Variants in DISP1 observed in about 807,000 individuals in gnomAD.
DISP1 encodes protein dispatched homolog 1.
Under a neutral mutation model 37.3 loss-of-function variants are expected in DISP1, and 30 were observed. That is an observed-to-expected ratio of 0.80 (90% CI 0.60 to 1.09). The LOEUF (loss-of-function observed/expected upper bound fraction) is 1.09, where lower values mean the gene tolerates loss of function less well. Ranked by LOEUF, DISP1 falls within the 50% of genes least tolerant of loss-of-function variation. The probability of loss-of-function intolerance (pLI) is 0.00; values close to 1 mark genes in which losing one functional copy is unlikely to be tolerated. For missense variants in DISP1, 1,598 were observed against 1,879.5 expected (o/e 0.85, Z 2.77); for synonymous variants, 634 against 690.2 (o/e 0.92, Z 1.28).
At chr1:222,914,018 T>TTA (rs397863821) in intron 1 of DISP1, among the ~76,000 whole-genome samples, 1 of 150,512 alleles carries the variant, frequency 6.6e-6, no homozygotes, top group Non-Finnish European at 1.5e-5. Flanking sequence ...TTTTTTTTTT[T>TTA]AACCCAAGCT....
intron 1 of DISP1, among the ~76,000 whole-genome samples, chr1:222,833,855 T>A (rs1412939304): frequency 2.0e-5 from 3 of 152,252 alleles, no homozygotes; most frequent in Non-Finnish European, 4.4e-5. Context: ...TAATCTGTTT[T>A]CTTATTAGTA....
chr1:222,924,756 A>T (rs1031990341), intron 1 of DISP1, among the ~76,000 whole-genome samples: 5 of 152,208 alleles, frequency 3.3e-5, no homozygotes, highest in African/African-American at 1.2e-4. Flanking sequence ...ATGCTAAGAA[A>T]AAAGATAAAT....
chr1:222,925,381 C>T (rs1191822945), intron 1 of DISP1, among the ~76,000 whole-genome samples: 1 of 152,064 alleles, frequency 6.6e-6, no homozygotes, highest in African/African-American at 2.4e-5. Context: ...GGATTAGCTG[C>T]TTTAATAAAG....
At position 223,002,012 on chromosome 1, in the gene DISP1, A is replaced by C. The variant is rs75406435; in HGVS notation, c.988-373A>C. ...CTTAATCCTATGCATGTATATACAT[A>C]AGCTTCACAACCTGTCCATTTTATT... On this transcript the variant is annotated intron_variant, in intron 8 of 8. Coordinates refer to ENST00000675850, the MANE Select transcript of DISP1 (RefSeq NM_001377229.1). Among the ~76,000 whole-genome samples, 13 of 152,340 alleles carry C rather than the reference A, an allele frequency of 8.5e-5. No homozygotes were observed. The East Asian group carries it at 2.1e-3, about 25-fold the overall frequency.
intron 1 of DISP1, among the ~76,000 whole-genome samples, chr1:222,852,840 C>T (rs946432573): frequency 1.3e-5 from 2 of 152,054 alleles, no homozygotes; most frequent in Non-Finnish European, 2.9e-5. Context: ...GCATGTAGAA[C>T]ATAGATAATA....
At chr1:222,902,803 A>G (rs1671672508) in intron 1 of DISP1, among the ~76,000 whole-genome samples, 1 of 151,780 alleles carries the variant, frequency 6.6e-6, no homozygotes, top group South Asian at 2.1e-4. Context: ...AGGAAACAAC[A>G]GGTGCTGGAG....
chr1:222,857,123 C>T (rs115184148), intron 1 of DISP1, among the ~76,000 whole-genome samples: 2,682 of 152,214 alleles, frequency 0.018, 78 homozygotes, highest in African/African-American at 0.062. Context: ...TTAATTGACA[C>T]TTAAAAACTG....
In DISP1 at chr1:222,943,050, A is replaced by C. The variant is rs1282532859; in HGVS notation, c.227A>C (p.Gln76Pro). 1 of 1,614,208 alleles carries C rather than the reference A, an allele frequency of 6.2e-7. No homozygotes were observed. Residue 76 changes from glutamine (Q) to proline (P), a missense_variant, in exon 3 of 9, where the codon CAG becomes CCG. By Grantham distance (76) the Gln-to-Pro change is moderately conservative (BLOSUM62 -1). Transcript: ENST00000675850. ...CCTTTAGACAACCAAAGAATGCCTC[A>C]GATGTTACCCCAATGCTGCCATCCT... ...FLPLDNQRMP[Q>P]MLPQCCHPCP...
chr1:222,873,008 T>C (rs1314474859), intron 1 of DISP1, among the ~76,000 whole-genome samples: 2 of 152,226 alleles, frequency 1.3e-5, no homozygotes, highest in Admixed American at 1.3e-4. Context: ...AACATCTTTA[T>C]TTCTGCCTTC....
intron 1 of DISP1, among the ~76,000 whole-genome samples, chr1:222,852,788 C>T (rs1668340611): frequency 6.6e-6 from 1 of 152,080 alleles, no homozygotes; most frequent in African/African-American, 2.4e-5. Flanking sequence ...CCTTGTGTAT[C>T]CCCCTTCCTT....
At chr1:222,876,815 AG>A (rs1344194747) in intron 1 of DISP1, among the ~76,000 whole-genome samples, 1 of 152,354 alleles carries the variant, frequency 6.6e-6, no homozygotes, top group East Asian at 1.9e-4. Context: ...GAAAGGGAGT[AG>A]GATTCCAGAA....
At chr1:222,819,169 G>A (rs1344645690) in intron 1 of DISP1, among the ~76,000 whole-genome samples, 1 of 152,160 alleles carries the variant, frequency 6.6e-6, no homozygotes, top group African/African-American at 2.4e-5. Context: ...CGTTTCTCCT[G>A]CTCCAGCCAT....
chr1:222,882,277 A>G (rs1017363524), intron 1 of DISP1, among the ~76,000 whole-genome samples: 3 of 152,192 alleles, frequency 2.0e-5, no homozygotes, highest in African/African-American at 7.2e-5. Context: ...TTATTTTTCA[A>G]TGATTTTATC....
intron 1 of DISP1, among the ~76,000 whole-genome samples, chr1:222,925,542 G>A (rs948494340): frequency 6.6e-6 from 1 of 152,080 alleles, no homozygotes; most frequent in Admixed American, 6.6e-5. Flanking sequence ...AGATTTTAGG[G>A]ATTGACTCCT....
chr1:222,887,023 A>G (rs1388283993), intron 1 of DISP1, among the ~76,000 whole-genome samples: 4 of 152,186 alleles, frequency 2.6e-5, no homozygotes, highest in South Asian at 4.1e-4. Flanking sequence ...TAAATGCACA[A>G]CTTTACATAA....
intron 1 of DISP1, among the ~76,000 whole-genome samples, chr1:222,865,932 G>A (rs1271164683): frequency 3.3e-5 from 5 of 152,128 alleles, no homozygotes; most frequent in African/African-American, 1.2e-4. Context: ...CCGGCCCCCT[G>A]TTGGGTTTTA....
At chr1:222,865,378 C>T (rs990085170) in intron 1 of DISP1, among the ~76,000 whole-genome samples, 1 of 152,082 alleles carries the variant, frequency 6.6e-6, no homozygotes, top group South Asian at 2.1e-4. Context: ...AAAATGTTCT[C>T]CAAGATAACA....
At chr1:222,967,124 C>CATAT (rs141881412) in intron 3 of DISP1, among the ~76,000 whole-genome samples, 43 of 151,206 alleles carry the variant, frequency 2.8e-4, no homozygotes, top group South Asian at 4.2e-4. Flanking sequence ...AATAGATCTA[C>CATAT]ATATATATAT....
intron 1 of DISP1, among the ~76,000 whole-genome samples, chr1:222,855,366 G>T (rs1181319691): frequency 6.6e-6 from 1 of 152,134 alleles, no homozygotes; most frequent in Non-Finnish European, 1.5e-5. Context: ...ATTTTTGAAA[G>T]CCCTGAAAAT....
Sources: gnomAD v4.1 joint callset for allele counts (sites outside exome capture counted in the v4.1 genomes callset) on GRCh38, gnomAD v4.1.1 for gene constraint, MANE v1.5 for transcripts, NCBI Gene and HGNC (gene_info 2026-07-23, HGNC 2026-07-21) for gene names.